Variants in SDCCAG8 observed in about 807,000 individuals in gnomAD.
SDCCAG8 encodes SHH signaling and ciliogenesis regulator SDCCAG8, also known as serologically defined colon cancer antigen 8.
In SDCCAG8, 74 loss-of-function variants were observed where a neutral mutation model predicts 101.8. The observed-to-expected ratio is 0.73, with a 90% CI of 0.60 to 0.88. The LOEUF (loss-of-function observed/expected upper bound fraction) is 0.88, where lower values mean the gene tolerates loss of function less well. Ranked by LOEUF, SDCCAG8 falls within the 40% of genes least tolerant of loss-of-function variation. The probability of loss-of-function intolerance (pLI) is 0.00; values close to 1 mark genes in which losing one functional copy is unlikely to be tolerated. For synonymous variants in SDCCAG8, 281 were observed against 292.9 expected (o/e 0.96, Z 0.41); for missense variants, 787 against 822.6 (o/e 0.96, Z 0.53).
At chr1:243,395,279 A>G (rs2078970301) in intron 13 of SDCCAG8, among the ~76,000 whole-genome samples, 1 of 152,206 alleles carries the variant, frequency 6.6e-6, no homozygotes, top group Non-Finnish European at 1.5e-5. Flanking sequence ...TTTCTTTTAT[A>G]CAGCAAATCA....
intron 6 of SDCCAG8, among the ~76,000 whole-genome samples, chr1:243,294,526 A>AGAGAGAGAGAGAGAGAGAG (rs1553298249): frequency 1.4e-4 from 21 of 147,622 alleles, no homozygotes; most frequent in South Asian, 4.4e-4. Flanking sequence ...AGAGAGAGAG[A>AGAGAGAGAGAGAGAGAGAG]ACAACCCACC....
rs1254163295 is a variant in SDCCAG8, at chr1:243,313,457, A to C, written c.930-3298A>C. On this transcript the variant is annotated intron_variant, in intron 8 of 17. Coordinates refer to ENST00000366541, the MANE Select transcript of SDCCAG8 (RefSeq NM_006642.5). ...CCTGATTGCTGCGCTAAGTTTCTTA[A>C]ATATTACATGCTCATTAGTGCGTGT... Among the ~76,000 whole-genome samples the C allele has an allele frequency of 2.6e-5, 4 of 152,152 alleles. No homozygotes were observed. The East Asian group carries it at 7.7e-4, about 29-fold the overall frequency.
At position 243,316,780 on chromosome 1, in the gene SDCCAG8, C is replaced by G; in HGVS notation, c.955C>G (p.Leu319Val). Residue 319 changes from leucine to valine, a missense_variant, in exon 9 of 18, where the codon CTA (leucine) becomes GTA (valine). Leu to Val is a conservative substitution (Grantham distance 32). Coordinates refer to ENST00000366541, the MANE Select transcript of SDCCAG8 (RefSeq NM_006642.5). The part of the protein sequence containing the change: ...VKERDDLMSA[L>V]VSVRSSLADT... Reference sequence around the variant, plus strand: ...AGAAAGAGATGACTTGATGTCTGCACTAGTTTCCGTAAGGAGCAGCTTGGC... The same window carrying G: ...AGAAAGAGATGACTTGATGTCTGCAGTAGTTTCCGTAAGGAGCAGCTTGGC... 1.9e-6 allele frequency: 3 copies of G among 1,614,158 alleles called. No individual in the cohort carries two copies. Among genetic ancestry groups the G allele is most frequent in the Non-Finnish European group, 2.5e-6 (3 of 1,180,024 alleles).
intron 13 of SDCCAG8, among the ~76,000 whole-genome samples, chr1:243,385,894 G>A (rs2078255180): frequency 6.6e-6 from 1 of 152,128 alleles, no homozygotes; most frequent in African/African-American, 2.4e-5. Context: ...ACTTGAGCCC[G>A]GGAGGCAGAG....
At chr1:243,459,556 C>A (rs554855684) in intron 16 of SDCCAG8, among the ~76,000 whole-genome samples, 1 of 152,040 alleles carries the variant, frequency 6.6e-6, no homozygotes, top group Non-Finnish European at 1.5e-5. Flanking sequence ...GAAAACACAA[C>A]CTTTTGGAAG....
At chr1:243,467,466 G>A (rs1478745398) in intron 16 of SDCCAG8, among the ~76,000 whole-genome samples, 1 of 152,226 alleles carries the variant, frequency 6.6e-6, no homozygotes, top group Non-Finnish European at 1.5e-5. Context: ...TCAGATACAA[G>A]AGGAGAGTTC....
At chr1:243,462,827 G>T (rs950338799) in intron 16 of SDCCAG8, among the ~76,000 whole-genome samples, 1 of 151,680 alleles carries the variant, frequency 6.6e-6, no homozygotes, top group Non-Finnish European at 1.5e-5. Flanking sequence ...CAAGATATTT[G>T]CCTTCTCTCA....
intron 15 of SDCCAG8, 22 bp from the exon 16 acceptor site, chr1:243,426,400 CTATTA>C: frequency 6.3e-7 from 1 of 1,598,320 alleles, no homozygotes; most frequent in Non-Finnish European, 8.6e-7. Flanking sequence ...CTTCTAACAT[CTATTA>C]TTTTTGTGTT....
At chr1:243,492,612 T>TG (rs1317285160) in intron 17 of SDCCAG8, among the ~76,000 whole-genome samples, 1 of 141,652 alleles carries the variant, frequency 7.1e-6, no homozygotes, top group Non-Finnish European at 1.5e-5. Flanking sequence ...CTGTTTTTTT[T>TG]TTTTTTTTTT....
intron 1 of SDCCAG8, among the ~76,000 whole-genome samples, chr1:243,264,014 G>C (rs1411607405): frequency 6.6e-6 from 1 of 152,120 alleles, no homozygotes; most frequent in African/African-American, 2.4e-5. Flanking sequence ...ATCAAAGCTT[G>C]TGCTGGGAGC....
chr1:243,477,008 A>ACT (rs1379583990), intron 16 of SDCCAG8, among the ~76,000 whole-genome samples: 1 of 69,838 alleles, frequency 1.4e-5, no homozygotes, highest in East Asian at 8.6e-4. Context: ...GTACACACAC[A>ACT]CACACACACA....
intron 16 of SDCCAG8, among the ~76,000 whole-genome samples, chr1:243,464,548 A>C (rs1659755024): frequency 1.3e-5 from 2 of 152,268 alleles, no homozygotes; most frequent in Admixed American, 1.3e-4. Context: ...ACACATTATT[A>C]CACATATTTA....
intron 15 of SDCCAG8, among the ~76,000 whole-genome samples, chr1:243,422,693 T>C (rs2081088346): frequency 6.6e-6 from 1 of 152,194 alleles, no homozygotes; most frequent in Non-Finnish European, 1.5e-5. Flanking sequence ...AGGAGACTGA[T>C]ATTGGCCTCT....
chr1:243,275,208 A>G lies in SDCCAG8; in HGVS notation c.420+552A>G, dbSNP rs12024043. ...TATGCTCAACTGCGTGCAGTTTGCT[A>G]ATGTCATTAATGCTAATAGAGCCTT... On this transcript the variant is annotated intron_variant, in intron 4 of 17. Transcript: ENST00000366541. Among the ~76,000 whole-genome samples the G allele has an allele frequency of 1.3e-4, 20 of 152,298 alleles. No homozygotes were observed. The East Asian group carries it at 3.7e-3, about 28-fold the overall frequency.
intron 5 of SDCCAG8, among the ~76,000 whole-genome samples, chr1:243,289,537 C>T (rs935650271): frequency 2.6e-5 from 4 of 152,164 alleles, no homozygotes; most frequent in Non-Finnish European, 5.9e-5. Flanking sequence ...TTATAATGTG[C>T]GAGGCACTGT....
At position 243,416,630 on chromosome 1, in the gene SDCCAG8, C is replaced by T. The variant is rs1406839026; in HGVS notation, c.1744+801C>T. On this transcript the variant is annotated intron_variant, in intron 14 of 17. Coordinates refer to ENST00000366541, the MANE Select transcript of SDCCAG8 (RefSeq NM_006642.5). The surrounding 1 kb of genome is among the most constrained non-coding windows in gnomAD (Gnocchi z 4.3). ...ACTGAGTTGGCCAGTAACTCTTTAC[C>T]TTTAATTTGAAAGTAAAATGCACTT... Among the ~76,000 whole-genome samples, 1 of 152,178 alleles carries T rather than the reference C, an allele frequency of 6.6e-6. No individual in the cohort carries two copies. Among genetic ancestry groups the T allele is most frequent in the Non-Finnish European group, 1.5e-5 (1 of 68,022 alleles).
intron 1 of SDCCAG8, among the ~76,000 whole-genome samples, chr1:243,256,491 A>G (rs2066703305): frequency 6.6e-6 from 1 of 152,232 alleles, no homozygotes; most frequent in Middle Eastern, 3.2e-3. Context: ...ATCTTTCTCA[A>G]CCGGCGACAG....
chr1:243,404,678 A>G (rs924199588), intron 13 of SDCCAG8, among the ~76,000 whole-genome samples: 1 of 152,142 alleles, frequency 6.6e-6, no homozygotes, highest in Non-Finnish European at 1.5e-5. Context: ...TTCTCAATCA[A>G]ACTCTAAAAA....
rs528023832 is a variant in SDCCAG8, at chr1:243,469,169, A to C, written c.1986-19845A>C. Among the ~76,000 whole-genome samples, 2 of 152,314 alleles carry C rather than the reference A, an allele frequency of 1.3e-5. 1 individual carries two copies. Among genetic ancestry groups the C allele is most frequent in the African/African-American group, 4.8e-5 (2 of 41,562 alleles). ...GATAACCTTGAGAATTGCTAATAAT[A>C]GTTTCTTGACTTTATTAACGGTCGA... On this transcript the variant is annotated intron_variant, in intron 16 of 17. Coordinates refer to ENST00000366541, the MANE Select transcript of SDCCAG8 (RefSeq NM_006642.5).
Sources: allele counts gnomAD v4.1 joint callset (sites outside exome capture counted in the v4.1 genomes callset), GRCh38; gene constraint gnomAD v4.1.1; non-coding constraint Gnocchi (gnomAD v3.1); transcripts MANE v1.5; gene names NCBI Gene and HGNC (gene_info 2026-07-23, HGNC 2026-07-21).